The following OTC variants were observed in gnomAD, a reference collection of about 807,000 sequenced individuals.
The protein encoded by OTC is ornithine transcarbamylase, also known as ornithine transcarbamylase, mitochondrial.
A neutral mutation model predicts 30.3 loss-of-function variants in OTC; 3 were observed. That is an observed-to-expected ratio of 0.10 (90% CI 0.05 to 0.26). The LOEUF is 0.26. OTC is among the 10% of genes least tolerant of loss of function. The probability of loss-of-function intolerance (pLI) is 1.00; values close to 1 mark genes in which losing one functional copy is unlikely to be tolerated. For missense variants in OTC, 194 were observed against 260.3 expected, an observed-to-expected ratio of 0.75 and a Z score of 1.75; for synonymous variants, 111 against 99.7, an observed-to-expected ratio of 1.11 and a Z score of -0.67.
intron 9 of OTC, among the ~76,000 whole-genome samples, chrX:38,414,018 G>A (rs2068557494): frequency 9.0e-6 from 1 of 111,267 alleles, no homozygotes. Flanking sequence ...CCACCATCCT[G>A]CAGACCACAT....
At chrX:38,385,535 G>C (rs779635320) in intron 4 of OTC, among the ~76,000 whole-genome samples, 3 of 111,689 alleles carry the variant, frequency 2.7e-5, no homozygotes, top group African/African-American at 9.8e-5. Context: ...GGTACGCAAT[G>C]CTGTAGGAAG....
At chrX:38,350,614 G>A (rs1307634560), upstream of OTC, among the ~76,000 whole-genome samples, 1 of 111,514 alleles carries the variant, frequency 9.0e-6, no homozygotes, top group Non-Finnish European at 1.9e-5. Context: ...CAGTGAAATT[G>A]CTTTTAACTT....
At chrX:38,416,526 T>C (rs1434165360) in intron 9 of OTC, among the ~76,000 whole-genome samples, 1 of 112,053 alleles carries the variant, frequency 8.9e-6, no homozygotes, top group African/African-American at 3.2e-5. Context: ...AGCACTGTTA[T>C]CCACATATGA....
chrX:38,384,097 T>C (rs1176303453), intron 4 of OTC, among the ~76,000 whole-genome samples: 1 of 112,305 alleles, frequency 8.9e-6, no homozygotes, highest in African/African-American at 3.2e-5. Context: ...AGTGCAAATG[T>C]TCACAAGTCA....
chrX:38,390,053 T>C (rs1487996523), intron 4 of OTC, among the ~76,000 whole-genome samples: 5 of 112,137 alleles, frequency 4.5e-5, no homozygotes, highest in Non-Finnish European at 9.4e-5. Context: ...GAAGAAGTTA[T>C]TCTAAATGCC....
At chrX:38,347,838 G>A (rs765513939), upstream of OTC, among the ~76,000 whole-genome samples, 3 of 111,621 alleles carry the variant, frequency 2.7e-5, no homozygotes, top group African/African-American at 9.8e-5. Flanking sequence ...CTGAGCCAGA[G>A]GTCACATTTG....
At chrX:38,338,421 G>A in the OTC span, among the ~76,000 whole-genome samples, 1 of 112,098 alleles carries the variant, frequency 8.9e-6, no homozygotes, top group Non-Finnish European at 1.9e-5. Flanking sequence ...AACCAGTCCT[G>A]ATTTTTAATT....
chrX:38,334,837 G>A, the OTC span, among the ~76,000 whole-genome samples: 10 of 111,661 alleles, frequency 9.0e-5, no homozygotes, highest in East Asian at 2.3e-3. Flanking sequence ...CGGGCCACAC[G>A]GCAGGAGGTG....
chrX:38,361,155 A>T (rs1030178871), intron 1 of OTC, among the ~76,000 whole-genome samples: 5 of 111,590 alleles, frequency 4.5e-5, no homozygotes, highest in African/African-American at 1.3e-4. Flanking sequence ...AAACACAAAA[A>T]TTAGCCAGGC....
At chrX:38,404,842 T>C (rs760455412) in intron 6 of OTC, among the ~76,000 whole-genome samples, 1 of 111,350 alleles carries the variant, frequency 9.0e-6, no homozygotes, top group South Asian at 3.8e-4. Flanking sequence ...GGTGCTAAAA[T>C]TGAGAGTCCG....
chrX:38,332,504 T>TATATATATA, the OTC span, among the ~76,000 whole-genome samples: 89 of 39,355 alleles, frequency 2.3e-3, 1 homozygote, highest in African/African-American at 7.6e-3. Context: ...GCCCTAGATT[T>TATATATATA]TATATATATA....
rs1334182211 is a variant in OTC, at chrX:38,381,796, C to T, written c.386+367C>T. On this transcript the variant is annotated intron_variant, in intron 4 of 9. Transcript: ENST00000039007. ...TCAGACTAGGTAATAATATTAATAA[C>T]TACTAATAACACTTATTGAGCATTT... Among the ~76,000 whole-genome samples, 6 of 111,832 alleles carry T rather than the reference C, an allele frequency of 5.4e-5. No homozygotes were observed. The Admixed American group carries it at 5.7e-4, about 11-fold the overall frequency.
rs183813445 is a variant in OTC, at chrX:38,384,303, C to A, written c.386+2874C>A. On this transcript the variant is annotated intron_variant, in intron 4 of 9. Transcript: ENST00000039007. The stretch of plus-strand genomic sequence containing the variant: ...AAGCATAGTACAATATCAGAAGAGG[C>A]TGGCATGGGAGATGGGGGATGTCAG... Among the ~76,000 whole-genome samples, 620 of 111,674 alleles carry A rather than the reference C, an allele frequency of 5.6e-3. 6 individuals are homozygous for A. The highest frequency in any genetic ancestry group is 0.018 in the Middle Eastern group (4 of 219).
At chrX:38,386,288 G>T (rs1163144389) in intron 4 of OTC, among the ~76,000 whole-genome samples, 1 of 107,514 alleles carries the variant, frequency 9.3e-6, no homozygotes, top group African/African-American at 3.4e-5. Context: ...CAGGAGAATC[G>T]CTTGAACCCA....
the OTC span, among the ~76,000 whole-genome samples, chrX:38,333,436 C>T: frequency 9.1e-6 from 1 of 109,895 alleles, no homozygotes; most frequent in Non-Finnish European, 1.9e-5. Context: ...CCACCTCCCT[C>T]ATGTTGGAGA....
At chrX:38,381,310 A>C in intron 3 of OTC, 32 bp from the exon 4 acceptor site, 1 of 1,075,123 alleles carries the variant, frequency 9.3e-7, no homozygotes, top group South Asian at 2.0e-5. Flanking sequence ...TTGTTTTTTC[A>C]AAATGATTTT....
chrX:38,382,451 C>T (rs376726753), intron 4 of OTC, among the ~76,000 whole-genome samples: 1 of 112,199 alleles, frequency 8.9e-6, no homozygotes, highest in Non-Finnish European at 1.9e-5. Flanking sequence ...TTTATGGCAA[C>T]CACCCTAGTA....
intron 4 of OTC, chrX:38,395,826 G>T (rs1375650187): frequency 2.7e-5 from 3 of 111,379 alleles, no homozygotes; most frequent in African/African-American, 9.8e-5. Flanking sequence ...AAGTTATGGT[G>T]GCCCAACCCA....
intron 6 of OTC, among the ~76,000 whole-genome samples, chrX:38,404,779 C>T (rs73632481): frequency 0.063 from 6,972 of 110,370 alleles, 613 homozygotes; most frequent in African/African-American, 0.22. Context: ...TTACAGTGAC[C>T]AACCATCCTG....
Sources: allele counts gnomAD v4.1 joint callset (sites outside exome capture counted in the v4.1 genomes callset), GRCh38; gene constraint gnomAD v4.1.1; transcripts MANE v1.5; gene names NCBI Gene and HGNC (gene_info 2026-07-23, HGNC 2026-07-21).